The following CUL2 variants were observed in gnomAD, a reference collection of about 807,000 sequenced individuals.
The protein encoded by CUL2 is cullin 2.
CUL2 carries 22 observed loss-of-function variants against 110.2 expected under a neutral mutation model. That is an observed-to-expected ratio of 0.20 (90% CI 0.14 to 0.28). The LOEUF (loss-of-function observed/expected upper bound fraction) is 0.28, where lower values mean the gene tolerates loss of function less well. Among genes scored for constraint, CUL2 ranks in the 10% least tolerant of loss-of-function variants. The probability of loss-of-function intolerance (pLI) is 1.00; values close to 1 mark genes in which losing one functional copy is unlikely to be tolerated. For synonymous variants in CUL2, 279 were observed against 293.2 expected (o/e 0.95, Z 0.49); for missense variants, 631 against 905.5 (o/e 0.70, Z 3.89).
intron 1 of CUL2, among the ~76,000 whole-genome samples, chr10:35,080,734 C>T (rs993556303): frequency 1.3e-5 from 2 of 152,048 alleles, no homozygotes; most frequent in African/African-American, 4.8e-5. Context: ...GGATTACAGG[C>T]GTGTGCCACC....
At chr10:35,108,621 A>G (rs751017334) in intron 1 of CUL2, among the ~76,000 whole-genome samples, 2 of 152,124 alleles carry the variant, frequency 1.3e-5, no homozygotes, top group African/African-American at 2.4e-5. Context: ...CAGATTTGGG[A>G]ATGTATTAGC....
chr10:35,024,113 G>A lies in CUL2; in HGVS notation c.1684+1019C>T, dbSNP rs145146631. Among the ~76,000 whole-genome samples, 107 of 152,282 alleles carry A rather than the reference G, an allele frequency of 7.0e-4. 1 individual carries two copies. The East Asian group carries it at 0.02, about 29-fold the overall frequency. On this transcript the variant is annotated intron_variant, in intron 17 of 20. Transcript: ENST00000374749. ...GCCTCCCCAAGTGCTGGGGTTACAG[G>A]TGTGAGCCACTGCACCTAGCCAAAA...
chr10:35,047,984 T>C (rs190986612), intron 6 of CUL2, among the ~76,000 whole-genome samples: 2 of 152,116 alleles, frequency 1.3e-5, no homozygotes, highest in African/African-American at 2.4e-5. Flanking sequence ...AGAATTATTA[T>C]TAGATGGAGG....
At chr10:35,117,028 T>G (rs1360866434) in intron 1 of CUL2, among the ~76,000 whole-genome samples, 1 of 152,108 alleles carries the variant, frequency 6.6e-6, no homozygotes, top group Non-Finnish European at 1.5e-5. Flanking sequence ...AAGAGACATT[T>G]CTTCCACCCT....
At position 35,044,051 on chromosome 10, in the gene CUL2, C is replaced by CAA. The variant is rs534515519; in HGVS notation, c.714+513_714+514dup. On this transcript the variant is annotated intron_variant, in intron 8 of 20. Transcript: ENST00000374749. The stretch of plus-strand genomic sequence containing the variant: ...GGGCACCAGAGCAAGACCACATCTC[C>CAA]AAAAAAAAAAAAAAAAAAAAAAAAC... 3.5e-3 allele frequency among the ~76,000 whole-genome samples: 308 copies of CAA among 87,504 alleles called. 1 individual carries two copies. Among genetic ancestry groups the CAA allele is most frequent in the African/African-American group, 6.4e-3 (140 of 21,830 alleles). The allele number at this position is 87,504 out of a possible 152,430, so 57.4% of individuals were successfully genotyped here. A position where few individuals can be genotyped will look rare whatever the true frequency, so the allele number is the denominator to read the frequency against.
chr10:35,030,473 C>A (rs2085452848), intron 14 of CUL2, among the ~76,000 whole-genome samples: 1 of 151,930 alleles, frequency 6.6e-6, no homozygotes, highest in African/African-American at 2.4e-5. Context: ...GCCTTGATGT[C>A]CCAGGCTCCA....
intron 1 of CUL2, among the ~76,000 whole-genome samples, chr10:35,103,788 T>A (rs2087419535): frequency 6.6e-6 from 1 of 152,158 alleles, no homozygotes; most frequent in Non-Finnish European, 1.5e-5. Flanking sequence ...GATGCAGGAT[T>A]TTCCCCAGTC....
At chr10:35,101,080 G>A (rs1436931823) in intron 1 of CUL2, 1 of 152,216 alleles carries the variant, frequency 6.6e-6, no homozygotes, top group Non-Finnish European at 1.5e-5. Context: ...AGAAAAGGGA[G>A]AGGGAATTAG....
intron 12 of CUL2, 121 bp downstream of exon 12, chr10:35,032,314 A>T: frequency 1.3e-6 from 1 of 793,260 alleles, no homozygotes; most frequent in Non-Finnish European, 2.1e-6. Context: ...TACAATGTAG[A>T]TAATTTTCCT....
intron 1 of CUL2, among the ~76,000 whole-genome samples, chr10:35,085,097 G>A (rs1448134006): frequency 6.6e-6 from 1 of 152,018 alleles, no homozygotes; most frequent in Non-Finnish European, 1.5e-5. Flanking sequence ...TCCAGCCTGG[G>A]TGACAGTGTG....
At chr10:35,111,927 C>T (rs1171960661) in intron 1 of CUL2, among the ~76,000 whole-genome samples, 1 of 152,192 alleles carries the variant, frequency 6.6e-6, no homozygotes, top group African/African-American at 2.4e-5. Flanking sequence ...CTACACAGCA[C>T]AAACTCATAG....
rs757993909 is a variant in CUL2, at chr10:35,033,291, G to C, written c.1003-18C>G. 1 of 1,531,336 alleles carries C rather than the reference G, an allele frequency of 6.5e-7. No individual in the cohort carries two copies. 94.9% of individuals were successfully genotyped at this position (1,531,336 alleles called of 1,614,324 possible). The stretch of plus-strand genomic sequence containing the variant: ...GTTGGCATCTAAAAATGAAATATAA[G>C]TACAAAACCACATTTTAAGAGGTTC... On this transcript the variant is annotated intron_variant, in intron 10 of 20. Transcript: ENST00000374749.
chr10:35,077,470 C>A (rs1034774684), intron 1 of CUL2, among the ~76,000 whole-genome samples: 1 of 151,772 alleles, frequency 6.6e-6, no homozygotes, highest in Non-Finnish European at 1.5e-5. Context: ...GCACTCCACT[C>A]TGGACAACAG....
Position 35,063,006 on chromosome 10 carries a change from G to A in CUL2, c.176C>T (p.Thr59Ile), listed in dbSNP as rs2086423317. The A allele has an allele frequency of 3.1e-6, 5 of 1,611,540 alleles. No homozygotes were observed. The highest frequency in any genetic ancestry group is 4.2e-6 in the Non-Finnish European group (5 of 1,177,914). ...ATTTTCCAAAAAAATCTTAGTTTCTGTATAAAGTCTTTCTCCAAGGGGTTC... is the reference window on the plus strand; with the variant it reads ...ATTTTCCAAAAAAATCTTAGTTTCTATATAAAGTCTTTCTCCAAGGGGTTC... ...YPEPLGERLY[T>I]ETKIFLENHV... Residue 59 changes from threonine (T) to isoleucine (I), a missense_variant, in exon 3 of 21, where the codon ACA (threonine) becomes ATA (isoleucine). By Grantham distance (89) the Thr-to-Ile change is moderately conservative. Around this residue, in one of 3 missense-constraint regions of CUL2, gnomAD observed 338 missense variants for 442.5 expected, o/e 0.76. Coordinates refer to ENST00000374749, the MANE Select transcript of CUL2 (RefSeq NM_003591.4).
upstream of CUL2, among the ~76,000 whole-genome samples, chr10:35,090,811 G>A (rs2087192282): frequency 6.6e-6 from 1 of 152,254 alleles, no homozygotes; most frequent in African/African-American, 2.4e-5. Context: ...TTAGTTCAGG[G>A]ACTGCTAATA....
chr10:35,094,920 G>T (rs912646376), upstream of CUL2, among the ~76,000 whole-genome samples: 2 of 152,114 alleles, frequency 1.3e-5, no homozygotes, highest in African/African-American at 4.8e-5. Context: ...GTTCATCTAT[G>T]ATTGCTTTCC....
chr10:35,087,168 T>A (rs1049399124), intron 1 of CUL2, among the ~76,000 whole-genome samples: 1 of 152,238 alleles, frequency 6.6e-6, no homozygotes, highest in Admixed American at 6.5e-5. Context: ...TCATCTGGCC[T>A]CAGCTTCCCA....
At chr10:35,118,322 T>C (rs1374167275) in intron 1 of CUL2, 1 of 152,238 alleles carries the variant, frequency 6.6e-6, no homozygotes, top group Admixed American at 6.5e-5. Flanking sequence ...TTTTTCCCCT[T>C]CTGGAATTTC....
At position 35,062,952 on chromosome 10, in the gene CUL2, T is replaced by C. The variant is rs748163737; in HGVS notation, c.222+8A>G. 9.5e-6 allele frequency: 14 copies of C among 1,469,922 alleles called. No homozygotes were observed. The highest frequency in any genetic ancestry group is 1.2e-5 in the Non-Finnish European group (13 of 1,051,210). The allele number at this position is 1,469,922 out of a possible 1,614,324, so 91.1% of individuals were successfully genotyped here. ...ACATATTTATATCACGTATGTATCA[T>C]TGCTTACCTTATGCAAATGCCGAAC... On this transcript the variant is annotated splice_region_variant and intron_variant, in intron 3 of 20. Coordinates refer to ENST00000374749, the MANE Select transcript of CUL2 (RefSeq NM_003591.4).
Sources: gnomAD v4.1 joint callset for allele counts (sites outside exome capture counted in the v4.1 genomes callset) on GRCh38, gnomAD v4.1.1 for gene constraint, gnomAD v4.1.1 regional missense constraint, MANE v1.5 for transcripts, NCBI Gene and HGNC (gene_info 2026-07-23, HGNC 2026-07-21) for gene names.